RFC3: variants seen among roughly 807,000 people sequenced by gnomAD.
RFC3 encodes A1 38 kDa subunit.
In RFC3, 41 loss-of-function variants were observed where a neutral mutation model predicts 45.1. The observed-to-expected ratio is 0.91, with a 90% CI of 0.71 to 1.18. The LOEUF (loss-of-function observed/expected upper bound fraction) is 1.18. RFC3 is among the 50% of genes most tolerant of loss of function. The probability of loss-of-function intolerance (pLI) is 0.00; values close to 1 mark genes in which losing one functional copy is unlikely to be tolerated. For synonymous variants in RFC3, 149 were observed against 144.0 expected (o/e 1.03, Z -0.25); for missense variants, 423 against 428.1 (o/e 0.99, Z 0.10).
intron 8 of RFC3, among the ~76,000 whole-genome samples, chr13:33,928,372 G>A (rs1458688575): frequency 6.6e-6 from 1 of 152,124 alleles, no homozygotes; most frequent in African/African-American, 2.4e-5. Context: ...TGCTACAAAT[G>A]TGAGTCCTAA....
intron 8 of RFC3, among the ~76,000 whole-genome samples, chr13:33,873,885 T>C (rs2137574705): frequency 6.6e-6 from 1 of 152,356 alleles, no homozygotes; most frequent in Non-Finnish European, 1.5e-5. Context: ...GCAGTCTTCC[T>C]TTAAGCATCT....
intron 8 of RFC3, among the ~76,000 whole-genome samples, chr13:33,875,968 C>T (rs923934977): frequency 2.0e-5 from 3 of 152,148 alleles, no homozygotes; most frequent in Non-Finnish European, 4.4e-5. Flanking sequence ...TTGCTGGGCA[C>T]ATAGTATGTG....
At chr13:33,922,522 G>A (rs2082775789) in intron 8 of RFC3, among the ~76,000 whole-genome samples, 1 of 151,990 alleles carries the variant, frequency 6.6e-6, no homozygotes, top group Non-Finnish European at 1.5e-5. Flanking sequence ...TAATTTACTT[G>A]TTGATATTAT....
intron 3 of RFC3, among the ~76,000 whole-genome samples, chr13:33,825,075 C>T (rs1251761029): frequency 6.6e-6 from 1 of 152,086 alleles, no homozygotes; most frequent in African/African-American, 2.4e-5. Flanking sequence ...TCTTCTGAAG[C>T]ATAGATAAGC....
chr13:33,836,353 A>C lies in RFC3; in HGVS notation c.*58A>C, dbSNP rs1403300063. 5.0e-5 allele frequency: 79 copies of C among 1,570,290 alleles called. No homozygotes were observed. Among genetic ancestry groups the C allele is most frequent in the Non-Finnish European group, 6.4e-5 (74 of 1,153,922 alleles). On this transcript the variant is annotated 3_prime_UTR_variant, in exon 9 of 9. Coordinates refer to ENST00000380071, the MANE Select transcript of RFC3 (RefSeq NM_002915.4). ...GTATCAGTATTTACATACAGCTTATATTAAAAGAGCTGTGGGTAAATTAAC... is the reference window on the plus strand; with the variant it reads ...GTATCAGTATTTACATACAGCTTATCTTAAAAGAGCTGTGGGTAAATTAAC...
At chr13:33,938,165 T>C (rs1224198527) in intron 8 of RFC3, among the ~76,000 whole-genome samples, 2 of 76,390 alleles carry the variant, frequency 2.6e-5, no homozygotes, top group African/African-American at 1.0e-4. Flanking sequence ...CAGCCACAGC[T>C]CAAGATAAAG....
intron 8 of RFC3, among the ~76,000 whole-genome samples, chr13:33,931,648 T>TA (rs200417773): frequency 6.6e-6 from 1 of 151,716 alleles, no homozygotes; most frequent in East Asian, 1.9e-4. Flanking sequence ...AGAAGTTGTG[T>TA]ATAAGGTACA....
At chr13:33,958,240 A>G (rs2083034085) in intron 8 of RFC3, among the ~76,000 whole-genome samples, 1 of 152,152 alleles carries the variant, frequency 6.6e-6, no homozygotes, top group Non-Finnish European at 1.5e-5. Flanking sequence ...TCGCAAGTAA[A>G]AGAAACGTCA....
intron 1 of RFC3, 104 bp downstream of exon 1, chr13:33,818,369 A>T (rs1329412286): frequency 2.3e-6 from 2 of 861,380 alleles, no homozygotes; most frequent in Admixed American, 2.2e-5. Context: ...TTGGAAGGTG[A>T]TAAGTGCTAT....
intron 8 of RFC3, among the ~76,000 whole-genome samples, chr13:33,886,753 T>G (rs1185178923): frequency 6.8e-6 from 1 of 146,608 alleles, no homozygotes; most frequent in African/African-American, 2.5e-5. Context: ...CATTTAGCAT[T>G]AGGTATATCT....
At chr13:33,920,780 A>C (rs1267590802) in intron 8 of RFC3, among the ~76,000 whole-genome samples, 1 of 152,082 alleles carries the variant, frequency 6.6e-6, no homozygotes, top group East Asian at 1.9e-4. Context: ...TTCTCAGCTC[A>C]TTACACCGGT....
intron 8 of RFC3, among the ~76,000 whole-genome samples, chr13:33,915,384 A>G (rs143672396): frequency 2.6e-5 from 4 of 152,260 alleles, no homozygotes; most frequent in Admixed American, 2.0e-4. Context: ...TATTTGTCCT[A>G]TTAAACTCCA....
rs1159419462 is a variant in RFC3 at position 33,944,440 on chromosome 13, G to A, written c.880-21647G>A. On this transcript the variant is annotated intron_variant, in intron 8 of 8. Coordinates refer to the RFC3 transcript ENST00000434425. The stretch of plus-strand genomic sequence containing the variant: ...GTGTGCTGTTGATAATGCTCTGAGA[G>A]CATCTACTTTTAGGTGAAGGAAAGA... Among the ~76,000 whole-genome samples the A allele has an allele frequency of 2.0e-5, 3 of 152,118 alleles. No individual in the cohort carries two copies. The East Asian group carries it at 5.8e-4, about 29-fold the overall frequency.
intron 8 of RFC3, among the ~76,000 whole-genome samples, chr13:33,898,407 C>G (rs1033302563): frequency 1.3e-5 from 2 of 151,744 alleles, no homozygotes; most frequent in Non-Finnish European, 3.0e-5. Context: ...CCTGAACAAC[C>G]AATGGCTCAA....
At chr13:33,972,357 G>T in the RFC3 span, among the ~76,000 whole-genome samples, 793 of 152,156 alleles carry the variant, frequency 5.2e-3, 7 homozygotes, top group African/African-American at 0.018. Context: ...CCAGCCCTGG[G>T]TTGGTGCTGA....
rs1406746379 is a variant in RFC3, at chr13:33,921,682, C to T, written c.880-44405C>T. ...GATGACTTTGCAGCAACACAGCACCCTCCCAGTGCACCCTGGAATGGAGCC... is the reference window on the plus strand; with the variant it reads ...GATGACTTTGCAGCAACACAGCACCTTCCCAGTGCACCCTGGAATGGAGCC... On this transcript the variant is annotated intron_variant, in intron 8 of 8. Coordinates refer to the RFC3 transcript ENST00000434425. Among the ~76,000 whole-genome samples the T allele has an allele frequency of 2.6e-5, 4 of 152,066 alleles. No individual in the cohort carries two copies. In the South Asian group the frequency reaches 8.3e-4, roughly 32 times the overall value.
intron 8 of RFC3, among the ~76,000 whole-genome samples, chr13:33,902,824 G>A (rs903839177): frequency 6.6e-6 from 1 of 151,878 alleles, no homozygotes; most frequent in African/African-American, 2.4e-5. Flanking sequence ...TGCTCCAGGG[G>A]TGTCCAGTGT....
At chr13:33,930,025 A>C (rs1471720971) in intron 8 of RFC3, among the ~76,000 whole-genome samples, 8 of 152,058 alleles carry the variant, frequency 5.3e-5, no homozygotes, top group Non-Finnish European at 1.2e-4. Flanking sequence ...TGTTTTTCCT[A>C]ATCTCTGACT....
chr13:33,885,182 T>C (rs985879491), intron 8 of RFC3, among the ~76,000 whole-genome samples: 1 of 152,220 alleles, frequency 6.6e-6, no homozygotes, highest in Non-Finnish European at 1.5e-5. Context: ...ATTATCAAAC[T>C]GCATTCTAGT....
Sources: allele counts gnomAD v4.1 joint callset (sites outside exome capture counted in the v4.1 genomes callset), GRCh38; gene constraint gnomAD v4.1.1; transcripts MANE v1.5; gene names NCBI Gene and HGNC (gene_info 2026-07-23, HGNC 2026-07-21).